Variants in GRM1 observed in about 807,000 individuals in gnomAD.
GRM1 encodes the protein glutamate metabotropic receptor 1, also known as metabotropic glutamate receptor 1.
In GRM1, 33 loss-of-function variants were observed where a neutral mutation model predicts 90.9. That is an observed-to-expected ratio of 0.36 (90% CI 0.28 to 0.49). The LOEUF (loss-of-function observed/expected upper bound fraction) is 0.49, where lower values mean the gene tolerates loss of function less well. GRM1 is among the 20% of genes least tolerant of loss of function. The pLI, the probability that GRM1 is intolerant of heterozygous loss-of-function variation, is 0.99. For missense variants in GRM1, 1,190 were observed against 1,534.3 expected (o/e 0.78, Z 3.75); for synonymous variants, 700 against 613.2 (o/e 1.14, Z -2.09).
intron 1 of GRM1, among the ~76,000 whole-genome samples, chr6:146,041,000 C>A (rs1276603559): frequency 6.6e-6 from 1 of 151,748 alleles, no homozygotes; most frequent in East Asian, 1.9e-4. Context: ...CTCATAAATT[C>A]TTTCCTCTGC....
rs1364785183 is a variant in GRM1 at position 146,159,537 on chromosome 6, G to C, written c.890G>C (p.Arg297Pro). The change falls in exon 2 of 8, where the codon CGA becomes CCA. Residue 297 changes from arginine (R) to proline (P), a missense_variant. Physicochemically the swap from Arg to Pro is moderately radical, Grantham distance 103. Around this residue, in one of 10 missense-constraint regions of GRM1, gnomAD observed 414 missense variants for 598.4 expected, o/e 0.69. Coordinates refer to ENST00000282753, the MANE Select transcript of GRM1 (RefSeq NM_001278064.2). ...TGCTTCTGTGAAGGCATGACAGTGC[G>C]AGGACTCCTGAGCGCCATGCGGCGC... ...VVCFCEGMTV[R>P]GLLSAMRRLG... 1 of 1,614,162 alleles carries C rather than the reference G, an allele frequency of 6.2e-7. No individual in the cohort carries two copies. Among genetic ancestry groups the C allele is most frequent in the South Asian group, 1.1e-5 (1 of 91,078 alleles).
At chr6:146,182,570 C>T (rs1455643685) in intron 2 of GRM1, among the ~76,000 whole-genome samples, 1 of 152,108 alleles carries the variant, frequency 6.6e-6, no homozygotes, top group African/African-American at 2.4e-5. Flanking sequence ...AAATAAAGTA[C>T]TTTGCAAACT....
At chr6:146,232,943 AT>A (rs918898310) in intron 2 of GRM1, among the ~76,000 whole-genome samples, 1 of 151,258 alleles carries the variant, frequency 6.6e-6, no homozygotes, top group African/African-American at 2.4e-5. Context: ...TTAAACTTTC[AT>A]TCTGTAGAGT....
At position 146,177,012 on chromosome 6, in the gene GRM1, C is replaced by T. The variant is rs140375094; in HGVS notation, c.950+17415C>T. ...TGTTTAACAGAATTCCCCTGCATGC[C>T]ATTAGACCAATATATATTAGCTACA... On this transcript the variant is annotated intron_variant, in intron 2 of 7. Coordinates refer to ENST00000282753, the MANE Select transcript of GRM1 (RefSeq NM_001278064.2). 2.8e-3 allele frequency among the ~76,000 whole-genome samples: 424 copies of T among 152,126 alleles called. 3 individuals are homozygous for T. Among genetic ancestry groups the T allele is most frequent in the African/African-American group, 9.4e-3 (391 of 41,540 alleles).
At chr6:146,220,006 A>G (rs1780006761) in intron 2 of GRM1, among the ~76,000 whole-genome samples, 1 of 152,120 alleles carries the variant, frequency 6.6e-6, no homozygotes, top group South Asian at 2.1e-4. Context: ...GAGGTAGAAA[A>G]GAACAGATGA....
intron 1 of GRM1, among the ~76,000 whole-genome samples, chr6:146,115,241 CACACACAT>C (rs1172580106): frequency 6.6e-6 from 1 of 151,900 alleles, no homozygotes; most frequent in African/African-American, 2.4e-5. Context: ...CACACACACA[CACACACAT>C]ATATATACAT....
chr6:146,042,917 A>C (rs1791168753), intron 1 of GRM1, among the ~76,000 whole-genome samples: 1 of 151,992 alleles, frequency 6.6e-6, no homozygotes, highest in Non-Finnish European at 1.5e-5. Context: ...ATTATCCTTT[A>C]TCCAGATCCT....
intron 1 of GRM1, among the ~76,000 whole-genome samples, chr6:146,043,605 T>A (rs1791197174): frequency 6.6e-6 from 1 of 151,602 alleles, no homozygotes; most frequent in Non-Finnish European, 1.5e-5. Context: ...AACATTGCAT[T>A]TTCTGTTTAT....
chr6:146,196,291 ATTT>A (rs35847536), intron 2 of GRM1, among the ~76,000 whole-genome samples: 3 of 136,622 alleles, frequency 2.2e-5, no homozygotes, highest in Non-Finnish European at 3.1e-5. Flanking sequence ...AGTGCAGTGG[ATTT>A]TTTTTTTTTT....
rs77717509 is a variant in GRM1, at chr6:146,149,947, C to T, written c.701-9401C>T. ...ATATAAATTTCCTTATATGCCACCA[C>T]CTGGGAACACCGGGACAGGTGATGA... On this transcript the variant is annotated intron_variant, in intron 1 of 7. Coordinates refer to ENST00000282753, the MANE Select transcript of GRM1 (RefSeq NM_001278064.2). 4.9e-3 allele frequency among the ~76,000 whole-genome samples: 746 copies of T among 152,230 alleles called. 7 individuals are homozygous for T. Among genetic ancestry groups the T allele is most frequent in the African/African-American group, 0.017 (696 of 41,536 alleles).
chr6:146,352,251 C>T lies in GRM1; in HGVS notation c.1188C>T (p.Gly396=). 6.2e-7 allele frequency: 1 copy of T among 1,613,380 alleles called. No homozygotes were observed. Among genetic ancestry groups the T allele is most frequent in the Non-Finnish European group, 8.5e-7 (1 of 1,179,434 alleles). Residue 396 remains glycine (G), a splice_region_variant and synonymous_variant, in exon 4 of 8, where the codon GGC becomes GGT. Coordinates refer to ENST00000282753, the MANE Select transcript of GRM1 (RefSeq NM_001278064.2). ...ENPNFKRICT[G]NESLEENYVQ... is the part of the protein sequence containing the mutation. ...AGTGATCTATTTTTATTGTTACAGG[C>T]AATGAAAGCTTAGAAGAAAACTATG...
intron 3 of GRM1, chr6:146,340,463 C>T (rs1184607272): frequency 3.3e-5 from 5 of 152,392 alleles, no homozygotes; most frequent in African/African-American, 1.2e-4. Context: ...CTCGTCTGAT[C>T]TCAGAAGCTA....
intron 5 of GRM1, among the ~76,000 whole-genome samples, chr6:146,373,584 T>TG (rs1775984781): frequency 6.6e-6 from 1 of 152,226 alleles, no homozygotes; most frequent in African/African-American, 2.4e-5. Flanking sequence ...GATTTGGGGA[T>TG]GGGGGCGGAC....
intron 1 of GRM1, among the ~76,000 whole-genome samples, chr6:146,074,349 G>A (rs1195991800): frequency 1.3e-5 from 2 of 152,180 alleles, no homozygotes; most frequent in South Asian, 2.1e-4. Context: ...AGTTTAAGAA[G>A]AGTAATAAGG....
At chr6:146,269,363 A>G (rs1235729627) in intron 2 of GRM1, among the ~76,000 whole-genome samples, 1 of 152,240 alleles carries the variant, frequency 6.6e-6, no homozygotes, top group East Asian at 1.9e-4. Flanking sequence ...AAGAGGATTC[A>G]TGCTTCATAT....
In GRM1 at chr6:146,397,589, AT is replaced by A. The variant is rs370853354; in HGVS notation, c.1730-1176del. ...ATTTTCTCTGAGCAGAAGACTATTC[AT>A]TTTATATGGAGTTTTTAGAAAGTGT... On this transcript the variant is annotated intron_variant, in intron 6 of 7. Coordinates refer to ENST00000282753, the MANE Select transcript of GRM1 (RefSeq NM_001278064.2). Among the ~76,000 whole-genome samples, 209 of 151,820 alleles carry A rather than the reference AT, an allele frequency of 1.4e-3. 1 individual carries two copies. The highest frequency in any genetic ancestry group is 4.9e-3 in the African/African-American group (201 of 41,354).
chr6:146,062,954 G>T (rs1775725039), intron 1 of GRM1, among the ~76,000 whole-genome samples: 1 of 151,948 alleles, frequency 6.6e-6, no homozygotes, highest in Admixed American at 6.6e-5. Context: ...CTTTATTTTT[G>T]TGCTATAAAT....
chr6:146,058,667 T>A (rs1248251176), intron 1 of GRM1, among the ~76,000 whole-genome samples: 1 of 152,158 alleles, frequency 6.6e-6, no homozygotes, highest in Non-Finnish European at 1.5e-5. Flanking sequence ...TAGCATACCA[T>A]GCTGTTTGAT....
chr6:146,035,473 C>T (rs1790856520), intron 1 of GRM1, among the ~76,000 whole-genome samples: 1 of 151,918 alleles, frequency 6.6e-6, no homozygotes, highest in African/African-American at 2.4e-5. Flanking sequence ...CTTGTTTATC[C>T]ATAACCTTGA....
Sources: gnomAD v4.1 joint callset for allele counts (sites outside exome capture counted in the v4.1 genomes callset) on GRCh38, gnomAD v4.1.1 for gene constraint, gnomAD v4.1.1 regional missense constraint, MANE v1.5 for transcripts, NCBI Gene and HGNC (gene_info 2026-07-23, HGNC 2026-07-21) for gene names.